The following SHPRH variants were observed in gnomAD, a reference collection of about 807,000 sequenced individuals.
SHPRH encodes SNF2 histone linker PHD RING helicase.
Under a neutral mutation model 202.5 loss-of-function variants are expected in SHPRH, and 106 were observed. The ratio of observed to expected loss-of-function variants is 0.52; its 90% CI spans 0.45 to 0.62. The LOEUF is 0.62. Ranked by LOEUF, SHPRH falls within the 20% of genes least tolerant of loss-of-function variation. The pLI is 0.00. For missense variants in SHPRH, 1,710 were observed against 2,020.0 expected (o/e 0.85, Z 2.94); for synonymous variants, 729 against 686.0 (o/e 1.06, Z -0.98).
intron 28 of SHPRH, 54 bp from the exon 29 acceptor site, chr6:145,888,154 C>T: frequency 7.6e-7 from 1 of 1,320,212 alleles, no homozygotes; most frequent in South Asian, 1.2e-5. Flanking sequence ...CAAATCAGTA[C>T]AAACCGACTT....
chr6:145,940,663 T>C (rs183167574), intron 11 of SHPRH, 60 bp downstream of exon 11: 27,093 of 1,536,374 alleles, frequency 0.018, 306 homozygotes, highest in Middle Eastern at 0.055. Context: ...AACAATACTT[T>C]TCTCTCTAAA....
At chr6:145,864,943 T>TCA (rs71552940) in intron 2 of SHPRH, among the ~76,000 whole-genome samples, 12,266 of 102,590 alleles carry the variant, frequency 0.12, 506 homozygotes, top group African/African-American at 0.14. Context: ...ACACACACAC[T>TCA]CACACACACA....
At chr6:145,913,401 GAGAA>G in intron 24 of SHPRH, 73 bp downstream of exon 24, 1 of 1,353,386 alleles carries the variant, frequency 7.4e-7, no homozygotes, top group Non-Finnish European at 1.0e-6. Context: ...AGAAAAACGA[GAGAA>G]AGATTTTATG....
intron 1 of SHPRH, among the ~76,000 whole-genome samples, chr6:145,956,951 T>C (rs570373984): frequency 6.6e-6 from 1 of 152,222 alleles, no homozygotes; most frequent in Non-Finnish European, 1.5e-5. Context: ...AATATAATTT[T>C]AGAAAAGAAA....
Position 145,943,347 on chromosome 6 carries a change from C to T in SHPRH, c.2034G>A (p.Leu678=). 2 of 1,613,934 alleles carry T rather than the reference C, an allele frequency of 1.2e-6. No homozygotes were observed. Among genetic ancestry groups the T allele is most frequent in the Non-Finnish European group, 1.7e-6 (2 of 1,179,950 alleles). ...QIDRKPRVQC[L]KCHLWQHAKC... is the part of the protein sequence containing the mutation. Reference sequence around the variant, plus strand: ...TTGCATGTTGCCACAGGTGACACTTCAGGCATTGAACACGAGGCTTACGAT... The same window carrying T: ...TTGCATGTTGCCACAGGTGACACTTTAGGCATTGAACACGAGGCTTACGAT... The change falls in exon 9 of 30, where the codon CTG becomes CTA. Residue 678 remains leucine (L), a synonymous_variant. Transcript: ENST00000275233.
At position 145,943,505 on chromosome 6, in the gene SHPRH, CTTGG is replaced by C. The variant is rs1249182896; in HGVS notation, c.1872_1875del (p.Asn624LysfsTer12). ...TCAGCACAGTCCTCTGTTTCATGTTCTTGGTTGAATTCAGAGATACATGTACTTT... is the reference window on the plus strand; with the variant it reads ...TCAGCACAGTCCTCTGTTTCATGTTCTTGAATTCAGAGATACATGTACTTT... On this transcript the variant is annotated frameshift_variant, in exon 9 of 30. Coordinates refer to ENST00000275233, the MANE Select transcript of SHPRH (RefSeq NM_001042683.3). LOFTEE classifies it high-confidence loss of function. 1 of 1,613,974 alleles carries C rather than the reference CTTGG, an allele frequency of 6.2e-7. No individual in the cohort carries two copies. The highest frequency in any genetic ancestry group is 8.5e-7 in the Non-Finnish European group (1 of 1,179,948).
intron 24 of SHPRH, 77 bp downstream of exon 24, chr6:145,913,401 G>A (rs1471264545): frequency 1.3e-5 from 17 of 1,353,268 alleles, no homozygotes; most frequent in Non-Finnish European, 1.8e-5. Context: ...AGAAAAACGA[G>A]AGAAAGATTT....
At chr6:145,866,319 T>A (rs1364869478) in intron 2 of SHPRH, among the ~76,000 whole-genome samples, 2 of 152,232 alleles carry the variant, frequency 1.3e-5, no homozygotes, top group African/African-American at 4.8e-5. Flanking sequence ...CTTTAACCTT[T>A]TTCTGAAAAT....
Position 145,926,273 on chromosome 6 carries a change from C to T in SHPRH, c.3225G>A (p.Leu1075=). ...GGTGCCTGGCTATCAACAATTCCAT[C>T]AAGTTATGGGTAGCATGAAGTCTCT... The part of the protein sequence containing the change: ...SLQRLHATHN[L]MELLIARHPG... The change falls in exon 16 of 30, where the codon TTG becomes TTA. Residue 1075 remains leucine, a synonymous_variant. Coordinates refer to ENST00000275233, the MANE Select transcript of SHPRH (RefSeq NM_001042683.3). 3 of 1,612,832 alleles carry T rather than the reference C, an allele frequency of 1.9e-6. No homozygotes were observed. The highest frequency in any genetic ancestry group is 2.5e-6 in the Non-Finnish European group (3 of 1,179,156).
At chr6:145,883,625 T>A (rs912538249), downstream of SHPRH, 1 of 152,228 alleles carries the variant, frequency 6.6e-6, no homozygotes, top group Non-Finnish European at 1.5e-5. Context: ...ACACAGAGAT[T>A]CTTGTAAACA....
chr6:145,946,181 C>G (rs1787353283), intron 7 of SHPRH, 52 bp downstream of exon 7: 1 of 1,371,664 alleles, frequency 7.3e-7, no homozygotes, highest in Non-Finnish European at 1.0e-6. Flanking sequence ...TGCAAGAACT[C>G]TAGCAAAGAT....
chr6:145,874,742 T>G (rs1474406807), intron 2 of SHPRH, among the ~76,000 whole-genome samples: 1 of 151,814 alleles, frequency 6.6e-6, no homozygotes, highest in Non-Finnish European at 1.5e-5. Context: ...GCTCATTCCT[T>G]ATGTGGCTCC....
intron 19 of SHPRH, 148 bp downstream of exon 19, chr6:145,922,515 T>C: frequency 1.6e-6 from 2 of 1,247,216 alleles, no homozygotes; most frequent in Non-Finnish European, 2.2e-6. Context: ...ACTTTATTTT[T>C]CTTTAAATTA....
chr6:145,932,435 A>G lies in SHPRH; in HGVS notation c.3112+622T>C, dbSNP rs535986598. On this transcript the variant is annotated intron_variant, in intron 14 of 29. Transcript: ENST00000275233. Reference sequence around the variant, plus strand: ...GCCACTAATACTCTTCCATGTAAATATAAGATGCTCTTTCTAACCTGCTTT... The same window carrying G: ...GCCACTAATACTCTTCCATGTAAATGTAAGATGCTCTTTCTAACCTGCTTT... 9.2e-5 allele frequency among the ~76,000 whole-genome samples: 14 copies of G among 152,334 alleles called. No homozygotes were observed. The South Asian group carries it at 2.9e-3, about 32-fold the overall frequency.
chr6:145,921,800 G>A (rs2128749665), intron 20 of SHPRH, among the ~76,000 whole-genome samples: 1 of 152,096 alleles, frequency 6.6e-6, no homozygotes. Context: ...AAATAGAATA[G>A]TAATACACCT....
intron 19 of SHPRH, 90 bp downstream of exon 19, chr6:145,922,573 C>G (rs964303290): frequency 6.9e-7 from 1 of 1,446,670 alleles, no homozygotes; most frequent in Non-Finnish European, 9.2e-7. Context: ...ATGAAAAAAC[C>G]TTTACTATAT....
At chr6:145,959,226 AC>A (rs1788828152) in intron 1 of SHPRH, among the ~76,000 whole-genome samples, 2 of 152,202 alleles carry the variant, frequency 1.3e-5, no homozygotes, top group Non-Finnish European at 2.9e-5. Context: ...CCAGGCCTTC[AC>A]ATTCACTCCC....
chr6:145,929,431 T>C (rs1785208438), intron 14 of SHPRH, among the ~76,000 whole-genome samples: 1 of 152,068 alleles, frequency 6.6e-6, no homozygotes, highest in Admixed American at 6.6e-5. Context: ...CAAATCTTTT[T>C]AGAGTTTGAA....
chr6:145,940,531 T>C (rs1019421614), intron 11 of SHPRH, among the ~76,000 whole-genome samples, 192 bp downstream of exon 11: 1 of 152,082 alleles, frequency 6.6e-6, no homozygotes, highest in Non-Finnish European at 1.5e-5. Flanking sequence ...TCGGTCCTCA[T>C]ATACATAAAC....
Sources: gnomAD v4.1 joint callset for allele counts (sites outside exome capture counted in the v4.1 genomes callset) on GRCh38, gnomAD v4.1.1 for gene constraint, MANE v1.5 for transcripts, NCBI Gene and HGNC (gene_info 2026-07-23, HGNC 2026-07-21) for gene names.